The following PCDHA10 variants were observed in gnomAD, a reference collection of about 807,000 sequenced individuals.
The protein encoded by PCDHA10 is protocadherin alpha-10.
In PCDHA10, 45 loss-of-function variants were observed where a neutral mutation model predicts 61.2. The ratio of observed to expected loss-of-function variants is 0.74; its 90% CI spans 0.58 to 0.94. The LOEUF is 0.94. Ranked by LOEUF, PCDHA10 falls within the 40% of genes least tolerant of loss-of-function variation. The pLI, the probability that PCDHA10 is intolerant of heterozygous loss-of-function variation, is 0.00. For synonymous variants in PCDHA10, 602 were observed against 548.8 expected (o/e 1.10, Z -1.35); for missense variants, 1,278 against 1,236.2 (o/e 1.03, Z -0.51).
rs565071573 is a variant in PCDHA10, at chr5:141,009,664, G to C, written c.2574G>C (p.Ala858=). 1.7e-4 allele frequency: 273 copies of C among 1,613,982 alleles called. 2 individuals are homozygous for C. In the South Asian group the frequency reaches 2.8e-3, roughly 17 times the overall value. ...GAGAAGTGTCCCCTCCAGTCGGTGC[G>C]GGTGTCAACAGCAACAGCTGGACCT... ...EAGEVSPPVG[A]GVNSNSWTFK... The change falls in exon 4 of 4, where the codon GCG becomes GCC. Residue 858 remains alanine, a synonymous_variant. Transcript: ENST00000307360.
chr5:140,917,435 T>A (rs1179418321), intron 1 of PCDHA10, among the ~76,000 whole-genome samples: 2 of 152,200 alleles, frequency 1.3e-5, no homozygotes, highest in South Asian at 2.1e-4. Flanking sequence ...CAATTTTTGT[T>A]TTTGCTGCAA....
At chr5:141,004,580 A>T (rs782539696) in intron 3 of PCDHA10, among the ~76,000 whole-genome samples, 1 of 152,222 alleles carries the variant, frequency 6.6e-6, no homozygotes, top group Non-Finnish European at 1.5e-5. Context: ...TGTGTTCTGC[A>T]TCTCCAGATG....
Position 140,968,771 on chromosome 5 carries a change from T to C in PCDHA10, c.2389-10178T>C, listed in dbSNP as rs144153196. The C allele has an allele frequency of 3.1e-6, 5 of 1,614,024 alleles. No homozygotes were observed. Among genetic ancestry groups the C allele is most frequent in the Non-Finnish European group, 4.2e-6 (5 of 1,180,044 alleles). On this transcript the variant is annotated intron_variant, in intron 1 of 3. Transcript: ENST00000307360. The stretch of plus-strand genomic sequence containing the variant: ...GGTGGTCCGAGATAATGGAGAGCCA[T>C]CACTATCAGCCTCTGTGGCCATTAC...
chr5:140,874,547 G>C (rs2054980934), intron 1 of PCDHA10, among the ~76,000 whole-genome samples: 1 of 152,190 alleles, frequency 6.6e-6, no homozygotes, highest in Non-Finnish European at 1.5e-5. Context: ...AACCCTTTAA[G>C]AGATCTTTCG....
intron 1 of PCDHA10, among the ~76,000 whole-genome samples, chr5:140,899,462 T>C (rs2067338282): frequency 6.6e-6 from 1 of 152,366 alleles, no homozygotes; most frequent in Admixed American, 6.5e-5. Context: ...GTGGTTTTTG[T>C]CTTTGGTTCT....
intron 1 of PCDHA10, chr5:140,863,562 G>T: frequency 5.3e-6 from 2 of 376,150 alleles, no homozygotes; most frequent in South Asian, 4.2e-5. Flanking sequence ...AAATTTTTGA[G>T]AATATAAGTA....
rs139390480 is a variant in PCDHA10, at chr5:140,856,945, A to T, written c.897A>T (p.Gly299=). ...RRKFWINERT[G]EIKVNDAIDF... ...AATTTTGGATAAACGAAAGGACGGGAGAAATAAAAGTAAATGATGCTATTG... is the reference window on the plus strand; with the variant it reads ...AATTTTGGATAAACGAAAGGACGGGTGAAATAAAAGTAAATGATGCTATTG... Residue 299 remains glycine, a synonymous_variant, in exon 1 of 4, where the codon GGA becomes GGT. Transcript: ENST00000307360. The T allele has an allele frequency of 3.8e-6, 6 of 1,593,208 alleles. No individual in the cohort carries two copies. The highest frequency in any genetic ancestry group is 5.2e-6 in the Non-Finnish European group (6 of 1,163,192).
intron 3 of PCDHA10, among the ~76,000 whole-genome samples, chr5:140,998,721 C>A (rs987484967): frequency 4.6e-5 from 7 of 152,084 alleles, no homozygotes; most frequent in Admixed American, 4.6e-4. Flanking sequence ...TGCACCACCA[C>A]GCTAGGCTAA....
chr5:140,969,325 A>G (rs1490022353), intron 1 of PCDHA10: 1 of 1,614,000 alleles, frequency 6.2e-7, no homozygotes, highest in Non-Finnish European at 8.5e-7. Context: ...CTGTTTCTCA[A>G]AATGAGGTGA....
At chr5:140,940,940 G>T (rs187772223) in intron 1 of PCDHA10, among the ~76,000 whole-genome samples, 1 of 152,254 alleles carries the variant, frequency 6.6e-6, no homozygotes, top group Non-Finnish European at 1.5e-5. Context: ...CTTAGACTAC[G>T]TATTCTCAGA....
chr5:140,946,335 G>A lies in PCDHA10; in HGVS notation c.2389-32614G>A, dbSNP rs555314202. ...ATTATTGAAAGAGGAAAGATAACAA[G>A]TGATGGAGAGGATGTGGAGAAAAGG... On this transcript the variant is annotated intron_variant, in intron 1 of 3. Transcript: ENST00000307360. Among the ~76,000 whole-genome samples, 250 of 151,944 alleles carry A rather than the reference G, an allele frequency of 1.6e-3. 2 individuals are homozygous for A. The highest frequency in any genetic ancestry group is 2.8e-3 in the Non-Finnish European group (188 of 67,814).
chr5:140,923,865 A>G (rs1422887617), intron 1 of PCDHA10, among the ~76,000 whole-genome samples: 1 of 152,226 alleles, frequency 6.6e-6, no homozygotes, highest in Non-Finnish European at 1.5e-5. Flanking sequence ...GGGAAGCCAA[A>G]AATCTGAGAA....
intron 1 of PCDHA10, among the ~76,000 whole-genome samples, chr5:140,945,368 C>T (rs980832309): frequency 1.3e-5 from 2 of 151,844 alleles, no homozygotes; most frequent in African/African-American, 4.8e-5. Flanking sequence ...TTAAAATGTC[C>T]ATATTACCCA....
At chr5:141,007,806 T>G (rs979059299) in intron 3 of PCDHA10, among the ~76,000 whole-genome samples, 12 of 152,220 alleles carry the variant, frequency 7.9e-5, no homozygotes, top group Non-Finnish European at 1.3e-4. Context: ...TATCTGCCAT[T>G]CATTTGCCTT....
In PCDHA10 at chr5:140,875,574, C is replaced by T. The variant is rs368911944; in HGVS notation, c.2388+17138C>T. On this transcript the variant is annotated intron_variant, in intron 1 of 3. Coordinates refer to ENST00000307360, the MANE Select transcript of PCDHA10 (RefSeq NM_018901.4). ...TGGGGAGCGGCCAGCTCCACTACTC[C>T]GTCTACGAGGAGGCCAAACACGGCA... 7 of 1,613,978 alleles carry T rather than the reference C, an allele frequency of 4.3e-6. No homozygotes were observed. The African/African-American group carries it at 9.3e-5, about 22-fold the overall frequency.
intron 1 of PCDHA10, chr5:140,870,941 C>CGGCG (rs782621545): frequency 1.2e-6 from 2 of 1,613,594 alleles, no homozygotes; most frequent in Non-Finnish European, 1.7e-6. Context: ...TTGCAGCCGG[C>CGGCG]GGCGGGCGGC....
chr5:140,929,082 G>A, intron 1 of PCDHA10: 2 of 1,614,216 alleles, frequency 1.2e-6, no homozygotes, highest in South Asian at 1.1e-5. Flanking sequence ...ATGGAAGTAA[G>A]ATGGTTTCAA....
At chr5:140,875,987 TAA>T (rs781909320) in intron 1 of PCDHA10, 4 of 1,613,914 alleles carry the variant, frequency 2.5e-6, no homozygotes, top group Admixed American at 1.7e-5. Context: ...ACCTATGCGT[TAA>T]GTCTAAATGA....
At chr5:140,883,240 C>G in intron 1 of PCDHA10, 1 of 1,613,998 alleles carries the variant, frequency 6.2e-7, no homozygotes, top group Non-Finnish European at 8.5e-7. Context: ...AGGCAGTTGA[C>G]AAAGGAAATA....
Sources: gnomAD v4.1 joint callset for allele counts (sites outside exome capture counted in the v4.1 genomes callset) on GRCh38, gnomAD v4.1.1 for gene constraint, MANE v1.5 for transcripts, NCBI Gene and HGNC (gene_info 2026-07-23, HGNC 2026-07-21) for gene names.